ADRA1B: variants seen among roughly 807,000 people sequenced by gnomAD.
ADRA1B encodes the protein adrenoceptor alpha 1B.
Under a neutral mutation model 17.9 loss-of-function variants are expected in ADRA1B, and 17 were observed. That is an observed-to-expected ratio of 0.95 (90% CI 0.65 to 1.42). The LOEUF (loss-of-function observed/expected upper bound fraction) is 1.42, where lower values mean the gene tolerates loss of function less well. ADRA1B is among the 40% of genes most tolerant of loss of function. ADRA1B has a pLI of 0.00. For synonymous variants in ADRA1B, 366 were observed against 327.6 expected (o/e 1.12, Z -1.27); for missense variants, 681 against 722.1 (o/e 0.94, Z 0.65).
At chr5:159,977,245 A>G (rs1755987869), downstream of ADRA1B, among the ~76,000 whole-genome samples, 1 of 152,194 alleles carries the variant, frequency 6.6e-6, no homozygotes, top group Non-Finnish European at 1.5e-5. Flanking sequence ...CTTCCTCAAT[A>G]TATAGAAGAA....
chr5:159,963,288 GTATA>G (rs10522262), intron 1 of ADRA1B, among the ~76,000 whole-genome samples: 76 of 132,690 alleles, frequency 5.7e-4, no homozygotes, highest in Middle Eastern at 7.9e-3. Context: ...AACAAAAAAA[GTATA>G]TATATATATA....
At chr5:159,881,299 TTCTCTCTCTC>T (rs11471058) in intron 1 of ADRA1B, among the ~76,000 whole-genome samples, 85 of 132,038 alleles carry the variant, frequency 6.4e-4, no homozygotes, top group East Asian at 1.6e-3. Context: ...TATCAGAAAG[TTCTCTCTCTC>T]TCTCTCTCTC....
chr5:159,909,093 G>A (rs1251645484), intron 1 of ADRA1B, among the ~76,000 whole-genome samples: 2 of 152,160 alleles, frequency 1.3e-5, no homozygotes, highest in Non-Finnish European at 2.9e-5. Context: ...CCAGTAAACA[G>A]CAGAGACACA....
intron 1 of ADRA1B, among the ~76,000 whole-genome samples, chr5:159,950,283 T>C (rs1755397220): frequency 6.6e-6 from 1 of 152,078 alleles, no homozygotes; most frequent in African/African-American, 2.4e-5. Context: ...GAGAATTTTT[T>C]CTTTTTTTGG....
At position 159,934,776 on chromosome 5, in the gene ADRA1B, C is replaced by T. The variant is rs180869117; in HGVS notation, c.949+16922C>T. ...GGTTGCAGTAAGCGCCGAGATTGCA[C>T]CACTGCACTCCAGTCTGGGAGACAG... On this transcript the variant is annotated intron_variant, in intron 1 of 1. Coordinates refer to ENST00000306675, the MANE Select transcript of ADRA1B (RefSeq NM_000679.4). Among the ~76,000 whole-genome samples the T allele has an allele frequency of 1.4e-3, 210 of 151,440 alleles. 1 individual carries two copies. Among genetic ancestry groups the T allele is most frequent in the African/African-American group, 5.0e-3 (208 of 41,202 alleles).
the ADRA1B span, among the ~76,000 whole-genome samples, chr5:159,984,030 A>G: frequency 6.6e-6 from 1 of 151,964 alleles, no homozygotes; most frequent in Non-Finnish European, 1.5e-5. Context: ...TCTCAGCAAC[A>G]TTTGGTGTGA....
upstream of ADRA1B, among the ~76,000 whole-genome samples, chr5:159,911,759 C>T (rs1036217299): frequency 4.6e-5 from 7 of 152,144 alleles, no homozygotes; most frequent in African/African-American, 1.4e-4. Flanking sequence ...GTGTACCCCA[C>T]CCAGAAGAAA....
chr5:159,956,264 C>T (rs12653825), intron 1 of ADRA1B, among the ~76,000 whole-genome samples: 49,314 of 151,926 alleles, frequency 0.32, 8,389 homozygotes, highest in East Asian at 0.63. Context: ...ACAAAAATGT[C>T]CATTGCAAAA....
At chr5:159,869,029 A>C (rs904662010) in intron 1 of ADRA1B, 9 of 152,244 alleles carry the variant, frequency 5.9e-5, no homozygotes, top group African/African-American at 9.6e-5. Flanking sequence ...GCCTCAAATC[A>C]AAAAGGCAGC....
Position 159,972,494 on chromosome 5 carries a change from G to GC in ADRA1B, c.*7dup. 3.5e-6 allele frequency: 4 copies of GC among 1,147,926 alleles called. No individual in the cohort carries two copies. Among genetic ancestry groups the GC allele is most frequent in the Non-Finnish European group, 4.3e-6 (4 of 922,848 alleles). The allele number at this position is 1,147,926 out of a possible 1,614,324, so 71.1% of individuals were successfully genotyped here. A position where few individuals can be genotyped will look rare whatever the true frequency, so the allele number is the denominator to read the frequency against. On this transcript the variant is annotated 3_prime_UTR_variant, in exon 2 of 2. Coordinates refer to ENST00000306675, the MANE Select transcript of ADRA1B (RefSeq NM_000679.4). Reference sequence around the variant, plus strand: ...CCCCTGGCGCCCGGGCAGTTTTAGGGCCCCCGTGCGCAGCTTTCTTTCCCT... The same window carrying GC: ...CCCCTGGCGCCCGGGCAGTTTTAGGGCCCCCCGTGCGCAGCTTTCTTTCCCT...
intron 1 of ADRA1B, among the ~76,000 whole-genome samples, chr5:159,961,310 T>C (rs543781901): frequency 1.6e-4 from 24 of 152,324 alleles, no homozygotes; most frequent in African/African-American, 4.3e-4. Context: ...GTAAATGTGG[T>C]ACCTTAATAA....
chr5:159,952,305 G>T (rs1305489473), intron 1 of ADRA1B, among the ~76,000 whole-genome samples: 1 of 152,066 alleles, frequency 6.6e-6, no homozygotes, highest in Non-Finnish European at 1.5e-5. Context: ...ATGAGGTTAA[G>T]AATAATAATA....
At chr5:159,965,024 C>T (rs1755749418) in intron 1 of ADRA1B, among the ~76,000 whole-genome samples, 1 of 152,200 alleles carries the variant, frequency 6.6e-6, no homozygotes, top group African/African-American at 2.4e-5. Flanking sequence ...CAAGGTCGCC[C>T]AGCTGAGAAT....
At chr5:159,893,297 A>AAGG (rs1581022344) in intron 1 of ADRA1B, among the ~76,000 whole-genome samples, 2 of 139,042 alleles carry the variant, frequency 1.4e-5, no homozygotes, top group Admixed American at 7.3e-5. Context: ...GTTGATGCCA[A>AAGG]GTTGGATGAG....
At chr5:159,946,261 T>C (rs1174696328) in intron 1 of ADRA1B, among the ~76,000 whole-genome samples, 1 of 152,246 alleles carries the variant, frequency 6.6e-6, no homozygotes, top group Non-Finnish European at 1.5e-5. Context: ...TAAATTGACA[T>C]GAGGCTTCTC....
At chr5:159,986,356 G>A in the ADRA1B span, among the ~76,000 whole-genome samples, 1 of 152,204 alleles carries the variant, frequency 6.6e-6, no homozygotes, top group Non-Finnish European at 1.5e-5. Flanking sequence ...GCCTCCCAAA[G>A]CACTGGGATT....
In ADRA1B at chr5:159,917,380, C is replaced by T. The variant is rs781709695; in HGVS notation, c.475C>T (p.Arg159Trp). 1.9e-6 allele frequency: 3 copies of T among 1,614,156 alleles called. No homozygotes were observed. The highest frequency in any genetic ancestry group is 2.5e-6 in the Non-Finnish European group (3 of 1,180,034). Residue 159 changes from arginine to tryptophan, a missense_variant, in exon 1 of 2, where the codon CGG (arginine) becomes TGG (tryptophan). Transcript: ENST00000306675. ...YSLQYPTLVT[R>W]RKAILALLSV... is the part of the protein sequence containing the mutation. ...TCTGCAGTATCCCACGCTGGTCACC[C>T]GGAGGAAGGCCATCTTGGCGCTGCT...
At chr5:159,944,273 T>C (rs1472276477) in intron 1 of ADRA1B, among the ~76,000 whole-genome samples, 2 of 152,218 alleles carry the variant, frequency 1.3e-5, no homozygotes, top group Non-Finnish European at 2.9e-5. Context: ...CGCTGGCCAC[T>C]GGCTCCTGGC....
rs568332886 is a variant in ADRA1B at position 159,950,901 on chromosome 5, C to T, written c.950-20978C>T. Reference sequence around the variant, plus strand: ...GCAGGGGTGATGTTCTGGAGAGCCCCGCAGCCGTCGCACCACAGTTTCCCA... The same window carrying T: ...GCAGGGGTGATGTTCTGGAGAGCCCTGCAGCCGTCGCACCACAGTTTCCCA... On this transcript the variant is annotated intron_variant, in intron 1 of 1. Coordinates refer to ENST00000306675, the MANE Select transcript of ADRA1B (RefSeq NM_000679.4). 124 of 565,918 alleles carry T rather than the reference C, an allele frequency of 2.2e-4. 1 individual carries two copies. The highest frequency in any genetic ancestry group is 1.7e-3 in the African/African-American group (90 of 54,270). 35.1% of individuals were successfully genotyped at this position (565,918 alleles called of 1,614,324 possible). A position where few individuals can be genotyped will look rare whatever the true frequency, so the allele number is the denominator to read the frequency against.
Sources: allele counts gnomAD v4.1 joint callset (sites outside exome capture counted in the v4.1 genomes callset), GRCh38; gene constraint gnomAD v4.1.1; transcripts MANE v1.5; gene names NCBI Gene and HGNC (gene_info 2026-07-23, HGNC 2026-07-21).